Variants in GYS2 observed in about 807,000 individuals in gnomAD.
GYS2 encodes the protein glycogen [starch] synthase, liver.
In GYS2, 80 loss-of-function variants were observed where a neutral mutation model predicts 85.6. The ratio of observed to expected loss-of-function variants is 0.93; its 90% CI spans 0.78 to 1.13. The LOEUF (loss-of-function observed/expected upper bound fraction) is 1.13. GYS2 is among the 50% of genes most tolerant of loss of function. GYS2 has a pLI of 0.00. For synonymous variants in GYS2, 328 were observed against 300.7 expected (o/e 1.09, Z -0.94); for missense variants, 881 against 854.9 (o/e 1.03, Z -0.38).
At chr12:21,584,991 G>A (rs1944556929) in intron 1 of GYS2, among the ~76,000 whole-genome samples, 1 of 152,144 alleles carries the variant, frequency 6.6e-6, no homozygotes, top group Admixed American at 6.5e-5. Context: ...ATGCCAACTA[G>A]GTGACAATAC....
chr12:21,590,410 T>G (rs1944624017), intron 1 of GYS2, among the ~76,000 whole-genome samples: 1 of 152,126 alleles, frequency 6.6e-6, no homozygotes, highest in South Asian at 2.1e-4. Context: ...CCCAGAAGCC[T>G]GATGATGGGC....
In GYS2 at chr12:21,558,218, G is replaced by A. The variant is rs372862031; in HGVS notation, c.1404C>T (p.Asn468=). 4 of 1,607,118 alleles carry A rather than the reference G, an allele frequency of 2.5e-6. No individual in the cohort carries two copies. Among genetic ancestry groups the A allele is most frequent in the Non-Finnish European group, 3.4e-6 (4 of 1,173,780 alleles). Residue 468 remains asparagine (N), a synonymous_variant, in exon 11 of 16, where the codon AAC becomes AAT. Coordinates refer to ENST00000261195, the MANE Select transcript of GYS2 (RefSeq NM_021957.4). ...GTTCTACCTTGACTCTATCTGTGCG[G>A]TTGTTGAAAAGTCCAATCCGTCTAA... The part of the protein sequence containing the change: ...STIRRIGLFN[N]RTDRVKVILH...
At chr12:21,560,853 A>C (rs1333068567) in intron 7 of GYS2, among the ~76,000 whole-genome samples, 1 of 152,240 alleles carries the variant, frequency 6.6e-6, no homozygotes, top group Non-Finnish European at 1.5e-5. Context: ...AAAAAATAGC[A>C]TGAATGAGAG....
Position 21,542,597 on chromosome 12 carries a change from A to G in GYS2, c.1550-6T>C. The G allele has an allele frequency of 1.3e-6, 2 of 1,599,714 alleles. No homozygotes were observed. The highest frequency in any genetic ancestry group is 1.7e-5 in the Admixed American group (1 of 59,986). Reference sequence around the variant, plus strand: ...ACCCATCACAGTGCATTCAGCTGCCAGGGGAAATAGACCAAAGCTTGGCTT... The same window carrying G: ...ACCCATCACAGTGCATTCAGCTGCCGGGGGAAATAGACCAAAGCTTGGCTT... On this transcript the variant is annotated splice_polypyrimidine_tract_variant and splice_region_variant and intron_variant, in intron 12 of 15. Transcript: ENST00000261195.
intron 14 of GYS2, 42 bp from the exon 15 acceptor site, chr12:21,539,380 A>G (rs372224096): frequency 6.8e-6 from 7 of 1,026,606 alleles, no homozygotes; most frequent in Non-Finnish European, 1.1e-5. Flanking sequence ...AAAAACCCTT[A>G]GATATCTCAA....
chr12:21,563,297 T>G lies in GYS2; in HGVS notation c.872A>C (p.His291Pro). 2 of 1,612,568 alleles carry G rather than the reference T, an allele frequency of 1.2e-6. No homozygotes were observed. The highest frequency in any genetic ancestry group is 8.5e-7 in the Non-Finnish European group (1 of 1,178,652). Residue 291 changes from histidine (H) to proline (P), a missense_variant, in exon 6 of 16, where the codon CAT becomes CCT. By Grantham distance (77) the His-to-Pro change is moderately conservative (BLOSUM62 -2). Coordinates refer to ENST00000261195, the MANE Select transcript of GYS2 (RefSeq NM_021957.4). ...CATGGCATGTAGATTTTGAAACTCA[T>G]GCACTGCTGAAAATTTCTTAACATT... is the stretch of plus-strand genomic sequence containing the variant. Reference protein sequence around the residue: ...GLNVKKFSAVHEFQNLHAMYK... With the variant: ...GLNVKKFSAVPEFQNLHAMYK...
At chr12:21,550,653 G>C (rs1424340072) in intron 11 of GYS2, among the ~76,000 whole-genome samples, 1 of 152,150 alleles carries the variant, frequency 6.6e-6, no homozygotes, top group African/African-American at 2.4e-5. Flanking sequence ...AAAGAAAAAG[G>C]AGACAGGCCG....
At chr12:21,601,296 C>T (rs1478291) in intron 1 of GYS2, among the ~76,000 whole-genome samples, 141,429 of 152,068 alleles carry the variant, frequency 0.93, 66,341 homozygotes, top group East Asian at 1. Flanking sequence ...CCAAAACATA[C>T]CTGACTACTT....
chr12:21,544,784 T>A (rs1331557905), intron 12 of GYS2, among the ~76,000 whole-genome samples: 1 of 152,220 alleles, frequency 6.6e-6, no homozygotes, highest in African/African-American at 2.4e-5. Flanking sequence ...TTCAAGACAA[T>A]CCTTTGTCTA....
intron 11 of GYS2, among the ~76,000 whole-genome samples, chr12:21,553,926 A>G (rs994567486): frequency 1.3e-5 from 2 of 152,130 alleles, no homozygotes; most frequent in African/African-American, 4.8e-5. Context: ...GTCTGTGTAC[A>G]TGTATATGTA....
intron 11 of GYS2, among the ~76,000 whole-genome samples, chr12:21,555,973 A>G (rs570838819): frequency 6.7e-4 from 102 of 152,328 alleles, no homozygotes; most frequent in African/African-American, 2.3e-3. Context: ...GGAACATTTT[A>G]TAAACTGCTT....
intron 5 of GYS2, 117 bp downstream of exon 5, chr12:21,568,748 T>C (rs1394912848): frequency 2.4e-6 from 2 of 845,472 alleles, no homozygotes; most frequent in African/African-American, 3.3e-5. Flanking sequence ...TAAAAAGAGC[T>C]GCGTGGTAAC....
In GYS2 at chr12:21,560,408, G is replaced by C; in HGVS notation, c.1147C>G (p.Gln383Glu). 1 of 1,601,104 alleles carries C rather than the reference G, an allele frequency of 6.2e-7. No individual in the cohort carries two copies. The highest frequency in any genetic ancestry group is 8.6e-7 in the Non-Finnish European group (1 of 1,168,266). Residue 383 changes from glutamine to glutamate, a missense_variant, in exon 8 of 16, where the codon CAA becomes GAA. Physicochemically the swap from Gln to Glu is conservative, Grantham distance 29. Coordinates refer to ENST00000261195, the MANE Select transcript of GYS2 (RefSeq NM_021957.4). The part of the protein sequence containing the change: ...NNFNVETLKG[Q>E]AVRKQLWDVA... ...TACCACAGCTGTTTTCGCACTGCTT[G>C]TCCTTTCAGGGTTTCCACGTTGAAA...
chr12:21,558,692 C>T (rs1871132), intron 10 of GYS2, among the ~76,000 whole-genome samples: 110,157 of 152,060 alleles, frequency 0.72, 40,441 homozygotes, highest in South Asian at 0.8. Flanking sequence ...AACAAGCATT[C>T]TGATGCAAGC....
chr12:21,540,683 A>C, intron 13 of GYS2, 110 bp from the exon 14 acceptor site: 1 of 897,066 alleles, frequency 1.1e-6, no homozygotes, highest in Non-Finnish European at 1.8e-6. Context: ...TGCATTATCT[A>C]CCCCCTGACT....
intron 1 of GYS2, among the ~76,000 whole-genome samples, chr12:21,590,908 ATGC>A (rs1944631514): frequency 6.6e-6 from 1 of 152,192 alleles, no homozygotes; most frequent in Non-Finnish European, 1.5e-5. Context: ...TATGAAGACT[ATGC>A]TGCTGTATGC....
chr12:21,575,803 A>T, intron 3 of GYS2, 63 bp downstream of exon 3: 1 of 1,232,114 alleles, frequency 8.1e-7, no homozygotes, highest in Non-Finnish European at 1.2e-6. Flanking sequence ...TCATGGGATC[A>T]TTCTTGGGCA....
chr12:21,603,677 C>G (rs1348796128), intron 1 of GYS2, among the ~76,000 whole-genome samples: 8 of 152,122 alleles, frequency 5.3e-5, no homozygotes, highest in Admixed American at 5.2e-4. Context: ...TCTTGAGGAA[C>G]TCAGCCTTCA....
At chr12:21,550,989 C>T (rs190260015) in intron 11 of GYS2, among the ~76,000 whole-genome samples, 14 of 141,912 alleles carry the variant, frequency 9.9e-5, no homozygotes, top group South Asian at 2.5e-4. Flanking sequence ...TACACAAGCA[C>T]TCTACACTTT....
Sources: allele counts gnomAD v4.1 joint callset (sites outside exome capture counted in the v4.1 genomes callset), GRCh38; gene constraint gnomAD v4.1.1; transcripts MANE v1.5; gene names NCBI Gene and HGNC (gene_info 2026-07-23, HGNC 2026-07-21).